Variants in NKAPD1 observed in about 807,000 individuals in gnomAD.
The protein encoded by NKAPD1 is uncharacterized protein NKAPD1.
Under a neutral mutation model 30.9 loss-of-function variants are expected in NKAPD1, and 12 were observed. The observed-to-expected ratio is 0.39, with a 90% confidence interval of 0.25 to 0.63. The LOEUF (loss-of-function observed/expected upper bound fraction) is 0.63. Ranked by LOEUF, NKAPD1 falls within the 20% of genes least tolerant of loss-of-function variation. NKAPD1 has a pLI of 0.51. For missense variants in NKAPD1, 311 were observed against 344.5 expected (o/e 0.90, Z 0.77); for synonymous variants, 91 against 113.6 (o/e 0.80, Z 1.26).
Position 112,083,214 on chromosome 11 carries a change from T to G in NKAPD1, c.*242T>G. 1 of 388,416 alleles carries G rather than the reference T, an allele frequency of 2.6e-6. No homozygotes were observed. The highest frequency in any genetic ancestry group is 4.1e-5 in the East Asian group (1 of 24,468). The allele number at this position is 388,416 out of a possible 1,614,324, so 24.1% of individuals were successfully genotyped here. A position where few individuals can be genotyped will look rare whatever the true frequency, so the allele number is the denominator to read the frequency against. On this transcript the variant is annotated 3_prime_UTR_variant, in exon 6 of 6. Transcript: ENST00000393047. The stretch of plus-strand genomic sequence containing the variant: ...TGAAGAGATTATTTTTTTTTGCAAT[T>G]AATTACGTTTAGTGTAGAGTGCATA...
rs1019960581 is a variant in NKAPD1, at chr11:112,076,667, G to A, written c.69+1024G>A. On this transcript the variant is annotated intron_variant, in intron 2 of 5. Transcript: ENST00000393047. ...GCTAGAGAAAACAACATTTCATTAA[G>A]AAAATCACATTGAGTAGGCTGAGGA... 7.9e-5 allele frequency among the ~76,000 whole-genome samples: 12 copies of A among 152,266 alleles called. No homozygotes were observed. In the Middle Eastern group the frequency reaches 0.01, roughly 129 times the overall value.
chr11:112,074,985 G>GT (rs1163752955), intron 1 of NKAPD1, 69 bp downstream of exon 1: 2 of 156,142 alleles, frequency 1.3e-5, no homozygotes, highest in Non-Finnish European at 2.8e-5. Context: ...TTGTCATCTA[G>GT]TTTTTGGAAG....
Position 112,082,776 on chromosome 11 carries a change from C to T in NKAPD1, c.686C>T (p.Ser229Leu), listed in dbSNP as rs1220227995. The change falls in exon 6 of 6, where the codon TCA becomes TTA. Residue 229 changes from serine to leucine, a missense_variant. By Grantham distance (145) the Ser-to-Leu change is moderately radical (BLOSUM62 -2). Transcript: ENST00000393047. ...ALFLEAESNT[S>L]HSDDSASSSS... ...TTCTTAGAGGCAGAAAGTAACACTT[C>T]ACATTCAGATGATTCAGCATCCAGC... is the stretch of plus-strand genomic sequence containing the variant. 5 of 1,613,766 alleles carry T rather than the reference C, an allele frequency of 3.1e-6. No homozygotes were observed. Among genetic ancestry groups the T allele is most frequent in the Admixed American group, 1.7e-5 (1 of 59,904 alleles).
rs140290718 is a variant in NKAPD1 at position 112,082,687 on chromosome 11, A to G, written c.597A>G (p.Lys199=). Reference sequence around the variant, plus strand: ...AAACTGGGGCTTCTGGTACAAGGAAAGGGAAACAACCACATAAACGCAAGA... The same window carrying G: ...AAACTGGGGCTTCTGGTACAAGGAAGGGGAAACAACCACATAAACGCAAGA... ...SEETGASGTR[K]GKQPHKRKKK... is the part of the protein sequence containing the mutation. Residue 199 remains lysine (K), a synonymous_variant, in exon 6 of 6, where the codon AAA becomes AAG. Transcript: ENST00000393047. 1.4e-4 allele frequency: 218 copies of G among 1,614,146 alleles called. 2 individuals carry two copies. In the East Asian group the frequency reaches 4.3e-3, roughly 32 times the overall value.
rs748384978 is a variant in NKAPD1, at chr11:112,082,528, T to A, written c.438T>A (p.His146Gln). 4 of 1,610,308 alleles carry A rather than the reference T, an allele frequency of 2.5e-6. No homozygotes were observed. Among genetic ancestry groups the A allele is most frequent in the Non-Finnish European group, 2.5e-6 (3 of 1,179,380 alleles). ...CTCCCCAGGTAAAGTCATCTACCCA[T>A]GAATCCCGCAAACACAAGAAGTCAA... is the stretch of plus-strand genomic sequence containing the variant. ...KTSPQVKSSTHESRKHKKSKK... is the reference protein window; with the variant it reads ...KTSPQVKSSTQESRKHKKSKK... The change falls in exon 6 of 6, where the codon CAT (histidine) becomes CAA (glutamine). Residue 146 changes from histidine to glutamine, a missense_variant. Transcript: ENST00000393047.
chr11:112,082,824 G>A lies in NKAPD1; in HGVS notation c.734G>A (p.Arg245Lys). 1 of 1,613,886 alleles carries A rather than the reference G, an allele frequency of 6.2e-7. No homozygotes were observed. Among genetic ancestry groups the A allele is most frequent in the Non-Finnish European group, 8.5e-7 (1 of 1,179,970 alleles). ...ASSSSEESEE[R>K]DTKKTKRKKR... Reference sequence around the variant, plus strand: ...AGCAGTTCTGAGGAAAGTGAGGAAAGAGACACTAAGAAAACCAAAAGGAAA... The same window carrying A: ...AGCAGTTCTGAGGAAAGTGAGGAAAAAGACACTAAGAAAACCAAAAGGAAA... The change falls in exon 6 of 6, where the codon AGA (arginine) becomes AAA (lysine). Residue 245 changes from arginine to lysine, a missense_variant. Coordinates refer to ENST00000393047, the MANE Select transcript of NKAPD1 (RefSeq NM_018195.4).
chr11:112,082,577 A>C lies in NKAPD1; in HGVS notation c.487A>C (p.Lys163Gln). 6.2e-7 allele frequency: 1 copy of C among 1,612,726 alleles called. No individual in the cohort carries two copies. The highest frequency in any genetic ancestry group is 1.1e-5 in the South Asian group (1 of 90,658). The change falls in exon 6 of 6, where the codon AAA becomes CAA. Residue 163 changes from lysine (K) to glutamine (Q), a missense_variant. Coordinates refer to ENST00000393047, the MANE Select transcript of NKAPD1 (RefSeq NM_018195.4). ...AAAGAAATCCCACAAAAAAAAGCAGAAAAAAAGGTCACACAAAAAACAGAA... is the reference window on the plus strand; with the variant it reads ...AAAGAAATCCCACAAAAAAAAGCAGCAAAAAAGGTCACACAAAAAACAGAA... Reference protein sequence around the residue: ...KSKKSHKKKQKKRSHKKQKKS... With the variant: ...KSKKSHKKKQQKRSHKKQKKS...
Position 112,074,333 on chromosome 11 carries a change from C to G in NKAPD1, c.-592C>G, listed in dbSNP as rs369525741. 26 of 399,170 alleles carry G rather than the reference C, an allele frequency of 6.5e-5. No individual in the cohort carries two copies. The highest frequency in any genetic ancestry group is 2.5e-4 in the South Asian group (2 of 7,856). 24.7% of individuals were successfully genotyped at this position (399,170 alleles called of 1,614,324 possible). On this transcript the variant is annotated 5_prime_UTR_variant, in exon 1 of 6. Coordinates refer to ENST00000393047, the MANE Select transcript of NKAPD1 (RefSeq NM_018195.4). ...CCAAACCACTTCTTCCCCCCTACCC[C>G]CCGCCACGCGAGGCTGCGGCGCACG...
At position 112,078,275 on chromosome 11, in the gene NKAPD1, T is replaced by C. The variant is rs1244462825; in HGVS notation, c.130T>C (p.Tyr44His). The C allele has an allele frequency of 9.9e-6, 16 of 1,613,310 alleles. No individual in the cohort carries two copies. Among genetic ancestry groups the C allele is most frequent in the Non-Finnish European group, 1.4e-5 (16 of 1,179,468 alleles). ...ACTGGAAAAACAGATGGAAGATGCT[T>C]ACCGGGGGACCAAAAGGAAAATGCT... ...RELEKQMEDA[Y>H]RGTKRKMLPS... The change falls in exon 3 of 6, where the codon TAC becomes CAC. Residue 44 changes from tyrosine (Y) to histidine (H), a missense_variant. By Grantham distance (83) the Tyr-to-His change is moderately conservative. Transcript: ENST00000393047.
At chr11:112,075,274 CAT>C (rs1293307678) in intron 1 of NKAPD1, among the ~76,000 whole-genome samples, 1 of 152,126 alleles carries the variant, frequency 6.6e-6, no homozygotes, top group East Asian at 1.9e-4. Flanking sequence ...ATACTTGCCT[CAT>C]ATAAAAAGTA....
Position 112,085,143 on chromosome 11 carries a change from T to A in NKAPD1, c.*2171T>A. The stretch of plus-strand genomic sequence containing the variant: ...TGAATTCCAAATAAATAAATTTCAC[T>A]CTTTGAACATTTCATCTTTTACTTT... On this transcript the variant is annotated 3_prime_UTR_variant, in exon 6 of 6. Coordinates refer to ENST00000393047, the MANE Select transcript of NKAPD1 (RefSeq NM_018195.4). The A allele has an allele frequency of 3.8e-6, 2 of 526,066 alleles. No individual in the cohort carries two copies. Among genetic ancestry groups the A allele is most frequent in the Non-Finnish European group, 6.3e-6 (2 of 316,334 alleles). 32.6% of individuals were successfully genotyped at this position (526,066 alleles called of 1,614,324 possible).
chr11:112,074,321 TCCCCCCTACCC>T lies in NKAPD1; in HGVS notation c.-600_-590del. ...CTCCTTTTTCTCCCAAACCACTTCT[TCCCCCCTACCC>T]CCCGCCACGCGAGGCTGCGGCGCAC... is the stretch of plus-strand genomic sequence containing the variant. On this transcript the variant is annotated 5_prime_UTR_variant, in exon 1 of 6. Transcript: ENST00000393047. 3 of 399,026 alleles carry T rather than the reference TCCCCCCTACCC, an allele frequency of 7.5e-6. 1 individual carries two copies. Among genetic ancestry groups the T allele is most frequent in the Non-Finnish European group, 8.8e-6 (2 of 226,228 alleles). The allele number at this position is 399,026 out of a possible 1,614,324, so 24.7% of individuals were successfully genotyped here.
intron 5 of NKAPD1, 141 bp downstream of exon 5, chr11:112,082,176 T>TCCC: frequency 1.3e-6 from 1 of 761,616 alleles, no homozygotes; most frequent in South Asian, 1.9e-5. Context: ...TAGGAGGTGA[T>TCCC]CCCTGTTTTC....
intron 3 of NKAPD1, among the ~76,000 whole-genome samples, chr11:112,079,661 C>T (rs1255012457): frequency 1.3e-5 from 2 of 152,052 alleles, no homozygotes; most frequent in Admixed American, 6.5e-5. Flanking sequence ...TTGAAGTGTC[C>T]CTTGCTATGA....
At chr11:112,081,915 A>C in intron 4 of NKAPD1, 67 bp from the exon 5 acceptor site, 1 of 1,294,092 alleles carries the variant, frequency 7.7e-7, no homozygotes, top group Non-Finnish European at 1.1e-6. Flanking sequence ...AAGTCTTTCT[A>C]ATGTTGCTTT....
chr11:112,079,003 T>A (rs1865387993), intron 3 of NKAPD1, among the ~76,000 whole-genome samples: 2 of 152,192 alleles, frequency 1.3e-5, no homozygotes, highest in East Asian at 3.8e-4. Context: ...ATTGGGAAGA[T>A]CCTTACACGC....
In NKAPD1 at chr11:112,080,440, A is replaced by G; in HGVS notation, c.202A>G (p.Ser68Gly). 1 of 1,614,020 alleles carries G rather than the reference A, an allele frequency of 6.2e-7. No homozygotes were observed. Among genetic ancestry groups the G allele is most frequent in the Non-Finnish European group, 8.5e-7 (1 of 1,179,992 alleles). ...GCGCAGTGATGGTTTTGATGAAGAAAGTCAAAGATACTATTGGAGGCCAAA... is the reference window on the plus strand; with the variant it reads ...GCGCAGTGATGGTTTTGATGAAGAAGGTCAAAGATACTATTGGAGGCCAAA... ...RMRSDGFDEE[S>G]QRYYWRPKNE... The change falls in exon 4 of 6, where the codon AGT becomes GGT. Residue 68 changes from serine to glycine, a missense_variant. Coordinates refer to ENST00000393047, the MANE Select transcript of NKAPD1 (RefSeq NM_018195.4).
In NKAPD1 at chr11:112,082,717, A is replaced by G. The variant is rs752585291; in HGVS notation, c.627A>G (p.Lys209=). 6.2e-7 allele frequency: 1 copy of G among 1,614,082 alleles called. No individual in the cohort carries two copies. Among genetic ancestry groups the G allele is most frequent in the South Asian group, 1.1e-5 (1 of 91,022 alleles). Residue 209 remains lysine, a synonymous_variant, in exon 6 of 6, where the codon AAA becomes AAG. Transcript: ENST00000393047. ...KGKQPHKRKK[K]SRKKSLKKPA... is the part of the protein sequence containing the mutation. ...AACAACCACATAAACGCAAGAAAAAATCCAGGAAAAAGTCTCTCAAAAAAC... is the reference window on the plus strand; with the variant it reads ...AACAACCACATAAACGCAAGAAAAAGTCCAGGAAAAAGTCTCTCAAAAAAC...
chr11:112,078,982 A>G (rs926795603), intron 3 of NKAPD1, among the ~76,000 whole-genome samples: 2 of 152,148 alleles, frequency 1.3e-5, no homozygotes, highest in Non-Finnish European at 2.9e-5. Flanking sequence ...AGGCCTAGGA[A>G]TGCTTGAATA....
Sources: allele counts gnomAD v4.1 joint callset (sites outside exome capture counted in the v4.1 genomes callset), GRCh38; gene constraint gnomAD v4.1.1; transcripts MANE v1.5; gene names NCBI Gene and HGNC (gene_info 2026-07-23, HGNC 2026-07-21).